The following SUGCT variants were observed in gnomAD, a reference collection of about 807,000 sequenced individuals.
The protein encoded by SUGCT is succinyl-CoA:glutarate-CoA transferase, also known as succinyl-CoA:glutarate CoA-transferase.
In SUGCT, 41 loss-of-function variants were observed where a neutral mutation model predicts 55.0. The observed-to-expected ratio is 0.74, with a 90% CI of 0.58 to 0.97. The LOEUF (loss-of-function observed/expected upper bound fraction) is 0.97. Ranked by LOEUF, SUGCT falls within the 50% of genes least tolerant of loss-of-function variation. The pLI is 0.00. For missense variants in SUGCT, 568 were observed against 547.8 expected (o/e 1.04, Z -0.37); for synonymous variants, 187 against 200.4 (o/e 0.93, Z 0.56).
At chr7:40,773,219 C>T (rs1331101160) in intron 13 of SUGCT, among the ~76,000 whole-genome samples, 1 of 150,904 alleles carries the variant, frequency 6.6e-6, no homozygotes, top group South Asian at 2.1e-4. Flanking sequence ...ACTTCCACCT[C>T]CTGGGTTCAA....
chr7:40,174,222 C>T (rs10244698), intron 1 of SUGCT, among the ~76,000 whole-genome samples: 9,804 of 151,984 alleles, frequency 0.065, 989 homozygotes, highest in African/African-American at 0.22. Context: ...GGGGTTTTGC[C>T]ATGTTGGCCA....
the SUGCT span, among the ~76,000 whole-genome samples, chr7:40,985,181 T>C: frequency 2.6e-5 from 4 of 152,148 alleles, no homozygotes; most frequent in African/African-American, 9.7e-5. Context: ...CAAGTTGAAA[T>C]TGCAAATTGT....
chr7:40,883,316 A>G, the SUGCT span, among the ~76,000 whole-genome samples: 1 of 152,276 alleles, frequency 6.6e-6, no homozygotes, highest in East Asian at 1.9e-4. Context: ...CCTACAGTCT[A>G]CCTTCATGTG....
At chr7:40,481,649 A>C (rs79808720) in intron 11 of SUGCT, among the ~76,000 whole-genome samples, 199 of 152,212 alleles carry the variant, frequency 1.3e-3, no homozygotes, top group African/African-American at 4.4e-3. Flanking sequence ...ATAACCAGGG[A>C]TTTTGTAAAA....
At chr7:40,897,449 AC>A in the SUGCT span, among the ~76,000 whole-genome samples, 13 of 152,044 alleles carry the variant, frequency 8.6e-5, no homozygotes, top group Non-Finnish European at 1.8e-4. Flanking sequence ...ACACACACAC[AC>A]ACACACACAC....
intron 9 of SUGCT, among the ~76,000 whole-genome samples, chr7:40,346,530 A>G (rs1797317850): frequency 6.6e-6 from 1 of 152,174 alleles, no homozygotes; most frequent in East Asian, 1.9e-4. Context: ...AAGTTATATA[A>G]CTTTTCTGTG....
At chr7:40,702,199 A>G (rs549725019) in intron 12 of SUGCT, among the ~76,000 whole-genome samples, 1 of 152,316 alleles carries the variant, frequency 6.6e-6, no homozygotes, top group Admixed American at 6.5e-5. Flanking sequence ...TGATAGAGAG[A>G]TAGTTACCAA....
At chr7:40,331,412 C>T (rs1796305461) in intron 9 of SUGCT, among the ~76,000 whole-genome samples, 1 of 152,150 alleles carries the variant, frequency 6.6e-6, no homozygotes, top group Admixed American at 6.5e-5. Context: ...TCAGACAGAC[C>T]TTGGCACATT....
Position 40,297,991 on chromosome 7 carries a change from C to T in SUGCT, c.721-18769C>T, listed in dbSNP as rs527625857. Among the ~76,000 whole-genome samples the T allele has an allele frequency of 4.6e-5, 7 of 151,340 alleles. No individual in the cohort carries two copies. In the South Asian group the frequency reaches 1.5e-3, roughly 32 times the overall value. ...TAGCCTTTTTTTTTGTCTCATGTAA[C>T]CTCAAAACATGTTCATGTCCTTCCT... On this transcript the variant is annotated intron_variant, in intron 8 of 13. Coordinates refer to ENST00000335693, the MANE Select transcript of SUGCT (RefSeq NM_001193313.2).
chr7:40,780,641 T>C (rs1416359775), intron 13 of SUGCT, among the ~76,000 whole-genome samples: 1 of 152,172 alleles, frequency 6.6e-6, no homozygotes, highest in Non-Finnish European at 1.5e-5. Context: ...ACTGATTGTG[T>C]AGAGTAATTT....
At chr7:40,881,151 T>C in the SUGCT span, among the ~76,000 whole-genome samples, 1 of 152,190 alleles carries the variant, frequency 6.6e-6, no homozygotes, top group Non-Finnish European at 1.5e-5. Context: ...GTGGGTAACA[T>C]GTTCTCCCAT....
intron 9 of SUGCT, among the ~76,000 whole-genome samples, chr7:40,440,770 T>A (rs1788471696): frequency 6.6e-6 from 1 of 151,774 alleles, no homozygotes; most frequent in Admixed American, 6.6e-5. Context: ...GGGGCTGAGG[T>A]TGGAGGATTG....
chr7:40,554,057 G>T (rs960747623), intron 12 of SUGCT, among the ~76,000 whole-genome samples: 3 of 152,236 alleles, frequency 2.0e-5, no homozygotes, highest in African/African-American at 7.2e-5. Flanking sequence ...GGGGTCTGCA[G>T]ATCTGGATTT....
intron 9 of SUGCT, among the ~76,000 whole-genome samples, chr7:40,347,724 C>A (rs1254918076): frequency 6.6e-6 from 1 of 152,160 alleles, no homozygotes; most frequent in Non-Finnish European, 1.5e-5. Flanking sequence ...CTGTTGATCC[C>A]ACTGTGAATC....
intron 3 of SUGCT, among the ~76,000 whole-genome samples, chr7:40,186,985 C>T (rs1268738199): frequency 5.3e-5 from 8 of 152,122 alleles, no homozygotes; most frequent in Non-Finnish European, 1.0e-4. Flanking sequence ...GTGCAGGTCA[C>T]GTATGTTTAT....
chr7:40,781,508 C>T (rs34146903), intron 13 of SUGCT, among the ~76,000 whole-genome samples: 4,315 of 152,134 alleles, frequency 0.028, 86 homozygotes, highest in South Asian at 0.047. Context: ...TAACCACACA[C>T]CCCTGTATAT....
the SUGCT span, among the ~76,000 whole-genome samples, chr7:41,018,363 C>T: frequency 3.3e-5 from 5 of 152,242 alleles, no homozygotes; most frequent in Non-Finnish European, 7.4e-5. Context: ...AAGTGGCTTT[C>T]CTGCTTCTCA....
chr7:40,272,895 G>A (rs6946123), intron 7 of SUGCT, among the ~76,000 whole-genome samples: 43,146 of 127,866 alleles, frequency 0.34, 6,398 homozygotes, highest in East Asian at 0.62. Context: ...CCTGACTTCA[G>A]GTGATCTACT....
At chr7:40,316,469 C>G (rs1032204314) in intron 8 of SUGCT, among the ~76,000 whole-genome samples, 6 of 152,084 alleles carry the variant, frequency 3.9e-5, no homozygotes, top group Non-Finnish European at 7.4e-5. Flanking sequence ...AAGGCCAGAC[C>G]ACGGTTCCAT....
Sources: allele counts gnomAD v4.1 joint callset (sites outside exome capture counted in the v4.1 genomes callset), GRCh38; gene constraint gnomAD v4.1.1; transcripts MANE v1.5; gene names NCBI Gene and HGNC (gene_info 2026-07-23, HGNC 2026-07-21).